The following AFAP1 variants were observed in gnomAD, a reference collection of about 807,000 sequenced individuals.
AFAP1 encodes the protein actin filament-associated protein 1.
A neutral mutation model predicts 93.9 loss-of-function variants in AFAP1; 75 were observed. That is an observed-to-expected ratio of 0.80 (90% CI 0.66 to 0.97). The LOEUF is 0.97. AFAP1 is among the 50% of genes least tolerant of loss of function. The pLI, the probability that AFAP1 is intolerant of heterozygous loss-of-function variation, is 0.00. For missense variants in AFAP1, 1,201 were observed against 1,050.8 expected, an observed-to-expected ratio of 1.14 and a Z score of -1.98; for synonymous variants, 517 against 430.7, an observed-to-expected ratio of 1.20 and a Z score of -2.48.
intron 1 of AFAP1, among the ~76,000 whole-genome samples, chr4:7,912,650 A>G (rs1033385801): frequency 2.0e-5 from 3 of 152,092 alleles, no homozygotes; most frequent in Non-Finnish European, 4.4e-5. Context: ...CTAAATTTTG[A>G]TAGTTCTTTA....
intron 6 of AFAP1, among the ~76,000 whole-genome samples, chr4:7,827,624 G>C (rs145016823): frequency 2.2e-5 from 3 of 139,454 alleles, no homozygotes; most frequent in Non-Finnish European, 4.6e-5. Context: ...AAGAGAGGAC[G>C]GCCAAAAGCT....
intron 7 of AFAP1, among the ~76,000 whole-genome samples, chr4:7,818,784 T>G (rs1196670450): frequency 6.6e-6 from 1 of 152,244 alleles, no homozygotes; most frequent in Non-Finnish European, 1.5e-5. Context: ...AGGCTTGCCT[T>G]CAGACTTCAG....
intron 1 of AFAP1, among the ~76,000 whole-genome samples, chr4:7,895,502 G>GTA (rs1208702532): frequency 1.3e-5 from 2 of 152,140 alleles, no homozygotes; most frequent in Non-Finnish European, 2.9e-5. Flanking sequence ...ATAACACATA[G>GTA]TAAGTGCTCA....
At chr4:7,891,052 C>A (rs1718441854) in intron 1 of AFAP1, among the ~76,000 whole-genome samples, 1 of 150,600 alleles carries the variant, frequency 6.6e-6, no homozygotes, top group East Asian at 2.0e-4. Context: ...TATGTTCACA[C>A]AATGGAATCT....
chr4:7,857,825 C>T (rs1414349587), intron 3 of AFAP1, among the ~76,000 whole-genome samples: 3 of 152,304 alleles, frequency 2.0e-5, no homozygotes, highest in South Asian at 2.1e-4. Flanking sequence ...ACAGGTCAGA[C>T]TCCTTTCCTC....
At chr4:7,911,838 G>C (rs1719749342) in intron 1 of AFAP1, among the ~76,000 whole-genome samples, 1 of 152,188 alleles carries the variant, frequency 6.6e-6, no homozygotes, top group African/African-American at 2.4e-5. Context: ...CTAAGAGAAA[G>C]CTTACACTTA....
rs1411736747 is a variant in AFAP1, at chr4:7,797,285, G to T, written c.1266+3157C>A. On this transcript the variant is annotated intron_variant, in intron 10 of 17. Coordinates refer to ENST00000420658, the MANE Select transcript of AFAP1 (RefSeq NM_001134647.2). The stretch of plus-strand genomic sequence containing the variant: ...GATGCTGGAACCAGTGGGTGAAATT[G>T]TGAGTAATAATAGGATAGTTACATA... 5.3e-5 allele frequency among the ~76,000 whole-genome samples: 8 copies of T among 152,182 alleles called. 1 individual carries two copies. Among genetic ancestry groups the T allele is most frequent in the South Asian group, 4.1e-4 (2 of 4,826 alleles).
intron 1 of AFAP1, among the ~76,000 whole-genome samples, chr4:7,900,284 C>T (rs1476457523): frequency 1.8e-5 from 2 of 111,794 alleles, no homozygotes; most frequent in South Asian, 2.8e-4. Flanking sequence ...AAATGAAACC[C>T]CCCCAAGAAT....
Position 7,939,452 on chromosome 4 carries a change from GC to G in AFAP1, c.-3+203del, listed in dbSNP as rs1187322023. 4 of 294,578 alleles carry G rather than the reference GC, an allele frequency of 1.4e-5. No homozygotes were observed. The highest frequency in any genetic ancestry group is 2.6e-5 in the South Asian group (1 of 38,564). The allele number at this position is 294,578 out of a possible 1,614,324, so 18.2% of individuals were successfully genotyped here. A position where few individuals can be genotyped will look rare whatever the true frequency, so the allele number is the denominator to read the frequency against. Reference sequence around the variant, plus strand: ...GGGAGCTGGGGAGCAGTGGGGACCGGCCCCCACCCGCAGGACGACCGGGACC... The same window carrying G: ...GGGAGCTGGGGAGCAGTGGGGACCGGCCCCACCCGCAGGACGACCGGGACC... On this transcript the variant is annotated intron_variant, in intron 1 of 17. Coordinates refer to ENST00000420658, the MANE Select transcript of AFAP1 (RefSeq NM_001134647.2). This position sits in a 1 kb window ranked among gnomAD's most constrained non-coding sequence, Gnocchi z 5.6.
At chr4:7,868,577 C>T in intron 3 of AFAP1, 45 bp downstream of exon 3, 16 of 1,566,504 alleles carry the variant, frequency 1.0e-5, no homozygotes, top group Non-Finnish European at 1.3e-5. Flanking sequence ...TAAGTACCCC[C>T]AGGCCTCCAG....
At chr4:7,929,164 G>GC (rs1720927002) in intron 1 of AFAP1, among the ~76,000 whole-genome samples, 1 of 152,114 alleles carries the variant, frequency 6.6e-6, no homozygotes, top group Admixed American at 6.5e-5. Context: ...AATGTCTCCT[G>GC]CCCCCTGTAC....
chr4:7,931,485 G>C (rs947525666), intron 1 of AFAP1, among the ~76,000 whole-genome samples: 1 of 151,864 alleles, frequency 6.6e-6, no homozygotes, highest in African/African-American at 2.4e-5. Context: ...TCAAATTATT[G>C]GGATCAGGTG....
chr4:7,903,962 T>C (rs1192317369), intron 1 of AFAP1, among the ~76,000 whole-genome samples: 4 of 151,242 alleles, frequency 2.6e-5, no homozygotes, highest in Non-Finnish European at 5.9e-5. Context: ...TTTTTTTTTT[T>C]CCAGAGAGTT....
At chr4:7,862,563 G>A (rs549314180) in intron 3 of AFAP1, among the ~76,000 whole-genome samples, 1 of 152,188 alleles carries the variant, frequency 6.6e-6, no homozygotes, top group South Asian at 2.1e-4. Flanking sequence ...GTATTGAACC[G>A]TACACTAAAA....
chr4:7,854,393 G>A (rs886770737), intron 4 of AFAP1, among the ~76,000 whole-genome samples: 14 of 152,170 alleles, frequency 9.2e-5, no homozygotes, highest in Non-Finnish European at 1.6e-4. Flanking sequence ...TCAGGGGCAC[G>A]CAGTCCAGCT....
In AFAP1 at chr4:7,839,160, C is replaced by A. The variant is rs549300545; in HGVS notation, c.547-457G>T. Among the ~76,000 whole-genome samples, 3 of 152,030 alleles carry A rather than the reference C, an allele frequency of 2.0e-5. No individual in the cohort carries two copies. In the East Asian group the frequency reaches 5.8e-4, roughly 30 times the overall value. ...GACCAGCCTGGGCAACATGAAGAAA[C>A]CCCATCTCTACCAAAAACATAAAAA... On this transcript the variant is annotated intron_variant, in intron 5 of 17. Coordinates refer to ENST00000420658, the MANE Select transcript of AFAP1 (RefSeq NM_001134647.2).
Position 7,864,170 on chromosome 4 carries a change from G to A in AFAP1, c.225+4452C>T, listed in dbSNP as rs116300129. Among the ~76,000 whole-genome samples, 570 of 102,052 alleles carry A rather than the reference G, an allele frequency of 5.6e-3. 28 individuals carry two copies. The highest frequency in any genetic ancestry group is 0.012 in the Admixed American group (114 of 9,434). The allele number at this position is 102,052 out of a possible 152,430, so 67.0% of individuals were successfully genotyped here. On this transcript the variant is annotated intron_variant, in intron 3 of 17. Coordinates refer to ENST00000420658, the MANE Select transcript of AFAP1 (RefSeq NM_001134647.2). Reference sequence around the variant, plus strand: ...TCCCAACTTCTCATCACAACCCACAGGTCCTTTGTAATTTAACCCCTGCAG... The same window carrying A: ...TCCCAACTTCTCATCACAACCCACAAGTCCTTTGTAATTTAACCCCTGCAG...
chr4:7,799,924 G>T (rs1380947405), intron 10 of AFAP1, among the ~76,000 whole-genome samples: 1 of 152,168 alleles, frequency 6.6e-6, no homozygotes, highest in Non-Finnish European at 1.5e-5. Flanking sequence ...CGCTCTTTCA[G>T]TGTCTGTGTC....
intron 1 of AFAP1, among the ~76,000 whole-genome samples, chr4:7,892,628 T>C (rs17770147): frequency 0.11 from 17,434 of 152,236 alleles, 1,167 homozygotes; most frequent in Non-Finnish European, 0.16. Flanking sequence ...AATAAAAAGC[T>C]GACCCTGATT....
Sources: allele counts gnomAD v4.1 joint callset (sites outside exome capture counted in the v4.1 genomes callset), GRCh38; gene constraint gnomAD v4.1.1; non-coding constraint Gnocchi (gnomAD v3.1); transcripts MANE v1.5; gene names NCBI Gene and HGNC (gene_info 2026-07-23, HGNC 2026-07-21).